TAF4B: variants seen among roughly 807,000 people sequenced by gnomAD.
The protein encoded by TAF4B is transcription initiation factor TFIID subunit 4B.
In TAF4B, 38 loss-of-function variants were observed where a neutral mutation model predicts 86.4. The observed-to-expected ratio is 0.44, with a 90% confidence interval of 0.34 to 0.58. TAF4B has a LOEUF of 0.58. TAF4B is among the 20% of genes least tolerant of loss of function. TAF4B has a pLI of 0.02. For synonymous variants in TAF4B, 388 were observed against 391.2 expected, an observed-to-expected ratio of 0.99 and a Z score of 0.10; for missense variants, 988 against 1,027.6, an observed-to-expected ratio of 0.96 and a Z score of 0.53.
chr18:26,375,844 C>T (rs903322736), intron 14 of TAF4B, among the ~76,000 whole-genome samples: 1 of 152,128 alleles, frequency 6.6e-6, no homozygotes, highest in Admixed American at 6.5e-5. Context: ...TTAGCTCTTA[C>T]ATTTACATCT....
intron 1 of TAF4B, among the ~76,000 whole-genome samples, chr18:26,258,073 G>A (rs1436574977): frequency 1.3e-5 from 2 of 151,962 alleles, no homozygotes; most frequent in East Asian, 3.9e-4. Flanking sequence ...GGCCAACATG[G>A]TGAAACACCG....
At chr18:26,291,226 C>T (rs567723345) in intron 7 of TAF4B, among the ~76,000 whole-genome samples, 1 of 152,180 alleles carries the variant, frequency 6.6e-6, no homozygotes, top group South Asian at 2.1e-4. Context: ...CAATAGCTGG[C>T]TCAAATACAT....
At chr18:26,315,710 C>CAT (rs1367014811) in intron 10 of TAF4B, among the ~76,000 whole-genome samples, 1 of 151,632 alleles carries the variant, frequency 6.6e-6, no homozygotes, top group Non-Finnish European at 1.5e-5. Context: ...GGACTTTTGG[C>CAT]ATATATATGT....
chr18:26,347,827 G>T (rs1332436852), intron 13 of TAF4B, among the ~76,000 whole-genome samples: 4 of 152,084 alleles, frequency 2.6e-5, no homozygotes, highest in Admixed American at 2.6e-4. Flanking sequence ...AAGAAACAAA[G>T]ACATTATACA....
intron 9 of TAF4B, among the ~76,000 whole-genome samples, chr18:26,300,976 C>G (rs974554403): frequency 3.3e-5 from 5 of 151,972 alleles, no homozygotes; most frequent in Non-Finnish European, 5.9e-5. Context: ...AGTGCATAGA[C>G]TAGGGAGTGC....
rs372429496 is a variant in TAF4B at position 26,286,183 on chromosome 18, C to T, written c.1274C>T (p.Thr425Ile). Residue 425 changes from threonine (T) to isoleucine (I), a missense_variant, in exon 7 of 15, where the codon ACA becomes ATA. Transcript: ENST00000269142. ...VGPTAATGGT[T>I]AGTGLLQTSK... ...CCAACTGCTGCAACAGGAGGAACAA[C>T]AGCTGGAACTGGTTTGCTTCAGACT... is the stretch of plus-strand genomic sequence containing the variant. The T allele has an allele frequency of 4.3e-6, 7 of 1,614,120 alleles. No homozygotes were observed. Among genetic ancestry groups the T allele is most frequent in the Non-Finnish European group, 5.1e-6 (6 of 1,180,060 alleles).
At chr18:26,271,003 A>G (rs530742119) in intron 3 of TAF4B, among the ~76,000 whole-genome samples, 139 of 152,346 alleles carry the variant, frequency 9.1e-4, no homozygotes, top group African/African-American at 3.1e-3. Context: ...AGGTTGATGC[A>G]TATTTTAAGT....
At chr18:26,292,488 A>G in intron 8 of TAF4B, 107 bp downstream of exon 8, 2 of 1,212,358 alleles carry the variant, frequency 1.6e-6, no homozygotes, top group Non-Finnish European at 2.3e-6. Context: ...GGTCTTTTAA[A>G]GTTGGCACCC....
intron 14 of TAF4B, among the ~76,000 whole-genome samples, chr18:26,363,291 G>A (rs1037307746): frequency 6.8e-6 from 1 of 147,210 alleles, no homozygotes; most frequent in Non-Finnish European, 1.5e-5. Context: ...TGAGAGACAG[G>A]CTGGGTGCAG....
intron 14 of TAF4B, among the ~76,000 whole-genome samples, chr18:26,367,694 A>C (rs1451975085): frequency 6.6e-6 from 1 of 152,244 alleles, no homozygotes; most frequent in East Asian, 1.9e-4. Context: ...TAACCATCAT[A>C]GACATTTTCC....
At chr18:26,256,635 A>G (rs1177202246) in intron 1 of TAF4B, among the ~76,000 whole-genome samples, 2 of 152,136 alleles carry the variant, frequency 1.3e-5, no homozygotes, top group Non-Finnish European at 2.9e-5. Flanking sequence ...TTTTTAAGAC[A>G]GGCATTTATA....
chr18:26,230,743 A>C (rs1224556438), intron 1 of TAF4B, among the ~76,000 whole-genome samples: 1 of 152,086 alleles, frequency 6.6e-6, no homozygotes, highest in East Asian at 1.9e-4. Context: ...TTTTGATTAC[A>C]AGTCCCTGCT....
At position 26,267,585 on chromosome 18, in the gene TAF4B, A is replaced by T; in HGVS notation, c.559A>T (p.Thr187Ser). The change falls in exon 3 of 15, where the codon ACT becomes TCT. Residue 187 changes from threonine to serine, a missense_variant. Around this residue, in one of 3 missense-constraint regions of TAF4B, gnomAD observed 747 missense variants for 737.9 expected, o/e 1.01. Coordinates refer to ENST00000269142, the MANE Select transcript of TAF4B (RefSeq NM_005640.3). ...TAAAAAATTGGCACAAATAGGAACT[A>T]CTGTGGTAACCACTGTTCCGAAGCC... ...PVKKLAQIGT[T>S]VVTTVPKPSS... 1 of 1,614,156 alleles carries T rather than the reference A, an allele frequency of 6.2e-7. No individual in the cohort carries two copies. The highest frequency in any genetic ancestry group is 8.5e-7 in the Non-Finnish European group (1 of 1,179,974).
chr18:26,227,124 C>T lies in TAF4B; in HGVS notation c.191C>T (p.Ser64Phe). The T allele has an allele frequency of 6.2e-7, 1 of 1,613,534 alleles. No individual in the cohort carries two copies. The highest frequency in any genetic ancestry group is 8.5e-7 in the Non-Finnish European group (1 of 1,179,796). Residue 64 changes from serine to phenylalanine, a missense_variant, in exon 1 of 15, where the codon TCC (serine) becomes TTC (phenylalanine). Coordinates refer to ENST00000269142, the MANE Select transcript of TAF4B (RefSeq NM_005640.3). ...VEPTASQPLR[S>F]PVGTLVTKVA... is the part of the protein sequence containing the mutation. ...CCCACGGCGTCCCAGCCCCTGCGGT[C>T]CCCCGTGGGGACCCTGGTGACCAAA... is the stretch of plus-strand genomic sequence containing the variant.
chr18:26,285,222 G>GTTTTTTTTGTTTTT (rs1555677504), intron 6 of TAF4B, among the ~76,000 whole-genome samples: 24 of 45,658 alleles, frequency 5.3e-4, no homozygotes, highest in Non-Finnish European at 9.4e-4. Flanking sequence ...TTTTTTTTTT[G>GTTTTTTTTGTTTTT]TTTTTTTTTT....
At chr18:26,285,379 G>T (rs570066357) in intron 6 of TAF4B, among the ~76,000 whole-genome samples, 1 of 151,414 alleles carries the variant, frequency 6.6e-6, no homozygotes, top group African/African-American at 2.4e-5. Flanking sequence ...GTATAGATGG[G>T]GTTTTGCCAT....
At chr18:26,320,965 T>G in intron 10 of TAF4B, 105 bp from the exon 11 acceptor site, 1 of 1,370,020 alleles carries the variant, frequency 7.3e-7, no homozygotes, top group Non-Finnish European at 1.0e-6. Flanking sequence ...AAACCTTTAT[T>G]CATAATGGGT....
intron 9 of TAF4B, among the ~76,000 whole-genome samples, chr18:26,299,186 A>G (rs1022110629): frequency 6.6e-6 from 1 of 151,916 alleles, no homozygotes; most frequent in African/African-American, 2.4e-5. Context: ...TTTAAGGCAC[A>G]GTGCTCTACA....
chr18:26,231,034 C>CTTTTTTGTTT (rs2055658111), intron 1 of TAF4B, among the ~76,000 whole-genome samples: 1 of 66,164 alleles, frequency 1.5e-5, no homozygotes, highest in Non-Finnish European at 2.8e-5. Flanking sequence ...TGTTGTTTTG[C>CTTTTTTGTTT]TTTTTTTTTT....
Sources: allele counts gnomAD v4.1 joint callset (sites outside exome capture counted in the v4.1 genomes callset), GRCh38; gene constraint gnomAD v4.1.1; regional missense constraint gnomAD v4.1.1; transcripts MANE v1.5; gene names NCBI Gene and HGNC (gene_info 2026-07-23, HGNC 2026-07-21).